Variants in CDH23 observed in about 807,000 individuals in gnomAD.
The protein encoded by CDH23 is cadherin-23.
Under a neutral mutation model 317.1 loss-of-function variants are expected in CDH23, and 189 were observed. The observed-to-expected ratio is 0.60, with a 90% CI of 0.53 to 0.67. The LOEUF is 0.67. Among genes scored for constraint, CDH23 ranks in the 30% least tolerant of loss-of-function variants. The probability of loss-of-function intolerance (pLI) is 0.00; values close to 1 mark genes in which losing one functional copy is unlikely to be tolerated. For missense variants in CDH23, 4,401 were observed against 4,592.4 expected, an observed-to-expected ratio of 0.96 and a Z score of 1.20; for synonymous variants, 1,839 against 1,876.8, an observed-to-expected ratio of 0.98 and a Z score of 0.52.
At chr10:71,509,944 C>A in intron 3 of CDH23, 138 bp from the exon 4 acceptor site, 2 of 894,616 alleles carry the variant, frequency 2.2e-6, no homozygotes, top group Non-Finnish European at 3.6e-6. Flanking sequence ...TGCGCCAGGG[C>A]CTTGTGATGA....
At chr10:71,573,841 T>A (rs1288438267) in intron 8 of CDH23, among the ~76,000 whole-genome samples, 1 of 152,174 alleles carries the variant, frequency 6.6e-6, no homozygotes, top group African/African-American at 2.4e-5. Flanking sequence ...AGAATCTGCC[T>A]CCGTGTCCAC....
At position 71,800,611 on chromosome 10, in the gene CDH23, C is replaced by A. The variant is rs748131122; in HGVS notation, c.7363-25C>A. On this transcript the variant is annotated intron_variant, in intron 52 of 69. Transcript: ENST00000224721. Reference sequence around the variant, plus strand: ...AAATATCTTTTGAATGATTGAAGGACCTAAAGCCACCCTCCCCCTACTAGG... The same window carrying A: ...AAATATCTTTTGAATGATTGAAGGAACTAAAGCCACCCTCCCCCTACTAGG... 4 of 1,610,938 alleles carry A rather than the reference C, an allele frequency of 2.5e-6. No homozygotes were observed. In the Admixed American group the frequency reaches 6.7e-5, roughly 27 times the overall value.
Position 71,690,596 on chromosome 10 carries a change from C to A in CDH23, c.2176+12C>A, listed in dbSNP as rs371967419. On this transcript the variant is annotated intron_variant, in intron 20 of 69. Coordinates refer to ENST00000224721, the MANE Select transcript of CDH23 (RefSeq NM_022124.6). Reference sequence around the variant, plus strand: ...CAATGCCCGCTCAGGTGAGCCCCCCCACCCCAAGTACCCTGGTCCTCCACA... The same window carrying A: ...CAATGCCCGCTCAGGTGAGCCCCCCAACCCCAAGTACCCTGGTCCTCCACA... 5 of 1,553,652 alleles carry A rather than the reference C, an allele frequency of 3.2e-6. No homozygotes were observed. In the South Asian group the frequency reaches 4.7e-5, roughly 15 times the overall value.
At chr10:71,634,353 C>G (rs1281475843) in intron 11 of CDH23, among the ~76,000 whole-genome samples, 3 of 152,246 alleles carry the variant, frequency 2.0e-5, no homozygotes, top group Non-Finnish European at 2.9e-5. Flanking sequence ...CCGTGCATCT[C>G]TGAAAACACT....
At chr10:71,752,754 G>A (rs1840037495) in intron 38 of CDH23, among the ~76,000 whole-genome samples, 1 of 152,114 alleles carries the variant, frequency 6.6e-6, no homozygotes, top group Non-Finnish European at 1.5e-5. Flanking sequence ...CCCGAAGGTG[G>A]GTGCATGACA....
chr10:71,790,374 G>A lies in CDH23; in HGVS notation c.6010G>A (p.Gly2004Ser), dbSNP rs936080353. The A allele has an allele frequency of 1.9e-6, 3 of 1,613,532 alleles. No individual in the cohort carries two copies. Among genetic ancestry groups the A allele is most frequent in the African/African-American group, 2.7e-5 (2 of 74,928 alleles). Residue 2004 changes from glycine (G) to serine (S), a missense_variant, in exon 46 of 70, where the codon GGT (glycine) becomes AGT (serine). Physicochemically the swap from Gly to Ser is moderately conservative, Grantham distance 56. Transcript: ENST00000224721. ...IYAVVTYQLL[G>S]AQSGLFDINS... ...CGCCGTGGTGACCTACCAGCTGCTG[G>A]GTGCCCAGAGTGGCCTCTTTGACAT... is the stretch of plus-strand genomic sequence containing the variant.
chr10:71,472,405 T>G lies in CDH23; in HGVS notation c.145+26010T>G, dbSNP rs541327322. Among the ~76,000 whole-genome samples, 14 of 152,362 alleles carry G rather than the reference T, an allele frequency of 9.2e-5. No homozygotes were observed. In the Middle Eastern group the frequency reaches 0.02, roughly 222 times the overall value. ...TCACCACACCGCCCTGTTTGGCCTC[T>G]TGGCTCCTCTATCACCCGTGTGACC... On this transcript the variant is annotated intron_variant, in intron 3 of 69. Transcript: ENST00000224721.
intron 46 of CDH23, 149 bp downstream of exon 46, chr10:71,790,562 C>T (rs1841221762): frequency 7.4e-6 from 8 of 1,087,928 alleles, no homozygotes; most frequent in Non-Finnish European, 9.1e-6. Context: ...CATCTTGCAG[C>T]TGGGTTATAT....
chr10:71,413,493 A>G (rs930880956), intron 1 of CDH23, among the ~76,000 whole-genome samples: 4 of 152,172 alleles, frequency 2.6e-5, no homozygotes, highest in African/African-American at 9.7e-5. Context: ...AAATCTTAGA[A>G]TGGGTTTTTC....
chr10:71,784,643 A>C (rs1589419762), intron 42 of CDH23, among the ~76,000 whole-genome samples: 1 of 147,636 alleles, frequency 6.8e-6, no homozygotes, highest in Non-Finnish European at 1.5e-5. Context: ...CTGCCCCATC[A>C]CTCCCTTCTC....
chr10:71,656,869 A>G (rs1171985695), intron 14 of CDH23, among the ~76,000 whole-genome samples: 1 of 151,900 alleles, frequency 6.6e-6, no homozygotes, highest in East Asian at 1.9e-4. Context: ...AGTCTAGGAG[A>G]GCCCTGAGGA....
chr10:71,436,375 G>A (rs1321798155), intron 1 of CDH23, among the ~76,000 whole-genome samples: 1 of 152,254 alleles, frequency 6.6e-6, no homozygotes, highest in Non-Finnish European at 1.5e-5. Context: ...GCATGCATGT[G>A]TATGCAGGCG....
At chr10:71,565,517 A>G (rs903748000) in intron 6 of CDH23, among the ~76,000 whole-genome samples, 6 of 152,192 alleles carry the variant, frequency 3.9e-5, no homozygotes, top group Non-Finnish European at 5.9e-5. Flanking sequence ...GGAAAGGCAG[A>G]ACTGGGTGGA....
chr10:71,455,601 A>G (rs978231826), intron 3 of CDH23, among the ~76,000 whole-genome samples: 21 of 152,342 alleles, frequency 1.4e-4, no homozygotes, highest in African/African-American at 4.8e-4. Context: ...CCCTGTCCTC[A>G]TGGAACTGAC....
chr10:71,798,399 A>C lies in CDH23; in HGVS notation c.6875A>C (p.Gln2292Pro), dbSNP rs1303315578. 1 of 1,613,854 alleles carries C rather than the reference A, an allele frequency of 6.2e-7. No individual in the cohort carries two copies. The highest frequency in any genetic ancestry group is 8.5e-7 in the Non-Finnish European group (1 of 1,179,870). ...NVLDVNDNTP[Q>P]FKPFGITYYM... ...CTGGACGTCAATGACAATACGCCCC[A>C]GTTCAAGCCCTTTGGGATCACCTAC... The change falls in exon 50 of 70, where the codon CAG (glutamine) becomes CCG (proline). Residue 2292 changes from glutamine to proline, a missense_variant. By Grantham distance (76) the Gln-to-Pro change is moderately conservative. Around this residue, in one of 3 missense-constraint regions of CDH23, gnomAD observed 3,068 missense variants for 3,203.3 expected, o/e 0.96. Transcript: ENST00000224721.
chr10:71,487,550 T>G (rs560516545), intron 3 of CDH23, among the ~76,000 whole-genome samples: 1 of 152,338 alleles, frequency 6.6e-6, no homozygotes, highest in South Asian at 2.1e-4. Flanking sequence ...TTTTGAATTA[T>G]GTAAATTAAT....
rs748504930 is a variant in CDH23 at position 71,802,915 on chromosome 10, G to A, written c.7500G>A (p.Leu2500=). ...CCACCCAGGTGGTGATCCAAGTGCT[G>A]GATGTCAATGACTGCCGGCCACAGT... is the stretch of plus-strand genomic sequence containing the variant. ...ENSVQVVIQV[L]DVNDCRPQFS... Residue 2500 remains leucine, a synonymous_variant, in exon 54 of 70, where the codon CTG becomes CTA. Coordinates refer to ENST00000224721, the MANE Select transcript of CDH23 (RefSeq NM_022124.6). The A allele has an allele frequency of 2.5e-6, 4 of 1,613,892 alleles. No individual in the cohort carries two copies. The African/African-American group carries it at 4.0e-5, about 16-fold the overall frequency.
rs373802615 is a variant in CDH23 at position 71,510,163 on chromosome 10, G to A, written c.227G>A (p.Arg76His). Reference protein sequence around the residue: ...VFGVSGEEASRFFAVEPDTGV... With the variant: ...VFGVSGEEASHFFAVEPDTGV... ...GGCGTGTCTGGGGAGGAGGCCTCTC[G>A]CTTCTTTGCAGTGGAGCCTGACACT... Residue 76 changes from arginine (R) to histidine (H), a missense_variant, in exon 4 of 70, where the codon CGC becomes CAC. Arg to His is a conservative substitution (Grantham distance 29). Transcript: ENST00000224721. 1.8e-5 allele frequency: 29 copies of A among 1,613,840 alleles called. No homozygotes were observed. Among genetic ancestry groups the A allele is most frequent in the African/African-American group, 4.0e-5 (3 of 74,916 alleles).
At chr10:71,667,392 G>GTA (rs1554853124) in intron 14 of CDH23, among the ~76,000 whole-genome samples, 8,609 of 101,906 alleles carry the variant, frequency 0.084, 607 homozygotes, top group African/African-American at 0.18. Context: ...GTGTGTGTGT[G>GTA]TGTGCGCGTG....
Sources: allele counts gnomAD v4.1 joint callset (sites outside exome capture counted in the v4.1 genomes callset), GRCh38; gene constraint gnomAD v4.1.1; regional missense constraint gnomAD v4.1.1; transcripts MANE v1.5; gene names NCBI Gene and HGNC (gene_info 2026-07-23, HGNC 2026-07-21).